KCNQ5: variants seen among roughly 807,000 people sequenced by gnomAD.
KCNQ5 encodes potassium voltage-gated channel subfamily Q member 5.
A neutral mutation model predicts 98.2 loss-of-function variants in KCNQ5; 30 were observed. That is an observed-to-expected ratio of 0.31 (90% CI 0.23 to 0.41). KCNQ5 has a LOEUF of 0.41. Among genes scored for constraint, KCNQ5 ranks in the 10% least tolerant of loss-of-function variants. The pLI, the probability that KCNQ5 is intolerant of heterozygous loss-of-function variation, is 1.00. For synonymous variants in KCNQ5, 458 were observed against 449.4 expected, an observed-to-expected ratio of 1.02 and a Z score of -0.24; for missense variants, 835 against 1,182.5, an observed-to-expected ratio of 0.71 and a Z score of 4.31.
rs895036887 is a variant in KCNQ5 at position 72,622,693 on chromosome 6, C to T, written c.398+106C>T. On this transcript the variant is annotated intron_variant, in intron 1 of 13. Transcript: ENST00000370398. The surrounding 1 kb of genome is among the most constrained non-coding windows in gnomAD (Gnocchi z 6.0). ...CCTTGGGCCCCCGCGCGCGTGCACACGTGGTGGCTTTTATTTCTTCGCACG... is the reference window on the plus strand; with the variant it reads ...CCTTGGGCCCCCGCGCGCGTGCACATGTGGTGGCTTTTATTTCTTCGCACG... 5 of 1,246,958 alleles carry T rather than the reference C, an allele frequency of 4.0e-6. No homozygotes were observed. The African/African-American group carries it at 6.1e-5, about 15-fold the overall frequency. 77.2% of individuals were successfully genotyped at this position (1,246,958 alleles called of 1,614,324 possible).
intron 1 of KCNQ5, among the ~76,000 whole-genome samples, chr6:72,903,225 T>C (rs1779577538): frequency 6.6e-6 from 1 of 152,192 alleles, no homozygotes; most frequent in Non-Finnish European, 1.5e-5. Context: ...CTCTCTCTTC[T>C]CTTCTTGGTT....
At chr6:73,052,838 G>A (rs1362789278) in intron 3 of KCNQ5, among the ~76,000 whole-genome samples, 1 of 152,098 alleles carries the variant, frequency 6.6e-6, no homozygotes, top group African/African-American at 2.4e-5. Flanking sequence ...AAACAGATCT[G>A]CATAATAACC....
intron 1 of KCNQ5, among the ~76,000 whole-genome samples, chr6:72,653,105 T>A (rs112082255): frequency 9.5e-4 from 145 of 151,990 alleles, no homozygotes; most frequent in Middle Eastern, 6.8e-3. Flanking sequence ...CATTTTTTTT[T>A]AAAAAAGAGA....
chr6:72,846,104 G>T (rs902421062), intron 1 of KCNQ5, among the ~76,000 whole-genome samples: 4 of 152,132 alleles, frequency 2.6e-5, no homozygotes, highest in African/African-American at 9.7e-5. Flanking sequence ...ATTGTTAAGT[G>T]TCCCAAGAAT....
At chr6:72,879,657 T>A in intron 1 of KCNQ5, among the ~76,000 whole-genome samples, 1 of 152,200 alleles carries the variant, frequency 6.6e-6, no homozygotes, top group African/African-American at 2.4e-5. Flanking sequence ...CAAAAAATAC[T>A]TTCTTGCCCT....
chr6:73,157,424 C>T, intron 10 of KCNQ5: 2 of 640,390 alleles, frequency 3.1e-6, no homozygotes, highest in East Asian at 5.7e-5. Flanking sequence ...CTGCACAGGC[C>T]GCCCGGGGGC....
At chr6:72,851,420 A>G (rs142699058) in intron 1 of KCNQ5, among the ~76,000 whole-genome samples, 42 of 152,296 alleles carry the variant, frequency 2.8e-4, no homozygotes, top group African/African-American at 1.0e-3. Context: ...GACCAGCTCA[A>G]CAAAGACTCC....
At chr6:72,649,236 G>A (rs1464478741) in intron 1 of KCNQ5, among the ~76,000 whole-genome samples, 2 of 152,110 alleles carry the variant, frequency 1.3e-5, no homozygotes, top group African/African-American at 4.8e-5. Context: ...AACAGTTTTG[G>A]ATCACAGCCT....
chr6:73,133,486 G>A lies in KCNQ5; in HGVS notation c.1313G>A (p.Arg438Gln), dbSNP rs763365816. 8 of 1,614,114 alleles carry A rather than the reference G, an allele frequency of 5.0e-6. No individual in the cohort carries two copies. The highest frequency in any genetic ancestry group is 2.2e-5 in the East Asian group (1 of 44,872). Residue 438 changes from arginine to glutamine, a missense_variant, in exon 10 of 14, where the codon CGA (arginine) becomes CAA (glutamine). Arg to Gln is a conservative substitution (Grantham distance 43). Coordinates refer to ENST00000370398, the MANE Select transcript of KCNQ5 (RefSeq NM_019842.4). Reference protein sequence around the residue: ...ASPRGQSIKSRQASVGDRRSP... With the variant: ...ASPRGQSIKSQQASVGDRRSP... Reference sequence around the variant, plus strand: ...CCCAGGGGCCAGAGTATTAAGAGCCGACAAGCCTCAGTAGGTGACAGGAGG... The same window carrying A: ...CCCAGGGGCCAGAGTATTAAGAGCCAACAAGCCTCAGTAGGTGACAGGAGG...
rs545770877 is a variant in KCNQ5, at chr6:73,051,758, AT to A, written c.616+9699del. ...AAAAAAAACTATCCAAAGGACAGCA[AT>A]TTCAAAGACTGAAGGAAAATCAGCC... On this transcript the variant is annotated intron_variant, in intron 3 of 13. Coordinates refer to ENST00000370398, the MANE Select transcript of KCNQ5 (RefSeq NM_019842.4). Among the ~76,000 whole-genome samples, 11 of 151,276 alleles carry A rather than the reference AT, an allele frequency of 7.3e-5. No individual in the cohort carries two copies. The South Asian group carries it at 1.7e-3, about 23-fold the overall frequency.
At chr6:72,683,264 G>A (rs528519901) in intron 1 of KCNQ5, among the ~76,000 whole-genome samples, 1 of 152,030 alleles carries the variant, frequency 6.6e-6, no homozygotes, top group South Asian at 2.1e-4. Flanking sequence ...TCAGGTACCT[G>A]TGGTCAGAGG....
chr6:73,123,508 G>T (rs1267008196), intron 8 of KCNQ5, among the ~76,000 whole-genome samples: 1 of 152,114 alleles, frequency 6.6e-6, no homozygotes, highest in Non-Finnish European at 1.5e-5. Flanking sequence ...ACTCAAACCT[G>T]CCAGGGATAC....
At chr6:73,001,741 G>A (rs754378430) in intron 1 of KCNQ5, among the ~76,000 whole-genome samples, 8 of 152,118 alleles carry the variant, frequency 5.3e-5, no homozygotes, top group Non-Finnish European at 8.8e-5. Context: ...TTATAGTTTG[G>A]GGGTCAGGTA....
chr6:72,887,138 G>A (rs919271342), intron 1 of KCNQ5, among the ~76,000 whole-genome samples: 1 of 152,144 alleles, frequency 6.6e-6, no homozygotes, highest in East Asian at 1.9e-4. Context: ...CTTAAAGGAA[G>A]ATGTATTAGT....
At chr6:72,928,034 A>G (rs1023721949) in intron 1 of KCNQ5, among the ~76,000 whole-genome samples, 5 of 152,098 alleles carry the variant, frequency 3.3e-5, no homozygotes, top group Admixed American at 2.6e-4. Context: ...TAGAAAAATT[A>G]CATGCTAAGA....
intron 10 of KCNQ5, among the ~76,000 whole-genome samples, chr6:73,150,161 T>C (rs1274257708): frequency 6.6e-6 from 1 of 151,884 alleles, no homozygotes; most frequent in African/African-American, 2.4e-5. Flanking sequence ...ACAGGAGATA[T>C]CACTACACAC....
intron 1 of KCNQ5, among the ~76,000 whole-genome samples, chr6:72,763,579 A>G (rs1417722341): frequency 6.6e-6 from 1 of 152,072 alleles, no homozygotes; most frequent in Non-Finnish European, 1.5e-5. Flanking sequence ...TTACAATTCT[A>G]ATACCTTAGT....
At chr6:72,830,487 G>T (rs1297622532) in intron 1 of KCNQ5, among the ~76,000 whole-genome samples, 1 of 152,196 alleles carries the variant, frequency 6.6e-6, no homozygotes, top group Non-Finnish European at 1.5e-5. Context: ...ATGGGGAAAG[G>T]ATTCCCTATT....
At chr6:72,780,862 A>C (rs1394945197) in intron 1 of KCNQ5, among the ~76,000 whole-genome samples, 1 of 152,164 alleles carries the variant, frequency 6.6e-6, no homozygotes. Flanking sequence ...GGCACTATGT[A>C]AGTGATTTTC....
Sources: gnomAD v4.1 joint callset for allele counts (sites outside exome capture counted in the v4.1 genomes callset) on GRCh38, gnomAD v4.1.1 for gene constraint, Gnocchi (gnomAD v3.1) non-coding constraint, MANE v1.5 for transcripts, NCBI Gene and HGNC (gene_info 2026-07-23, HGNC 2026-07-21) for gene names.